The following SLCO1A2 variants were observed in gnomAD, a reference collection of about 807,000 sequenced individuals.
SLCO1A2 encodes the protein solute carrier organic anion transporter family member 1A2.
Under a neutral mutation model 69.0 loss-of-function variants are expected in SLCO1A2, and 67 were observed. The ratio of observed to expected loss-of-function variants is 0.97; its 90% CI spans 0.80 to 1.19. The LOEUF is 1.19. Among genes scored for constraint, SLCO1A2 ranks in the 50% most tolerant of loss-of-function variants. SLCO1A2 has a pLI of 0.00. For missense variants in SLCO1A2, 787 were observed against 793.7 expected, an observed-to-expected ratio of 0.99 and a Z score of 0.10; for synonymous variants, 260 against 265.9, an observed-to-expected ratio of 0.98 and a Z score of 0.22.
chr12:21,332,253 C>T (rs1036457679), intron 2 of SLCO1A2, among the ~76,000 whole-genome samples: 3 of 152,070 alleles, frequency 2.0e-5, no homozygotes, highest in Admixed American at 1.3e-4. Context: ...GTCAAGATAA[C>T]TCAAAGCAGG....
Position 21,281,934 on chromosome 12 carries a change from G to A in SLCO1A2, c.1611-6510C>T, listed in dbSNP as rs145570899. Among the ~76,000 whole-genome samples, 63 of 152,114 alleles carry A rather than the reference G, an allele frequency of 4.1e-4. No individual in the cohort carries two copies. In the East Asian group the frequency reaches 0.011, roughly 27 times the overall value. Reference sequence around the variant, plus strand: ...AATAAAAAGTAATGAGATTGAAGCTGTAATAAAGTCTCCAGCAAAGAAATG... The same window carrying A: ...AATAAAAAGTAATGAGATTGAAGCTATAATAAAGTCTCCAGCAAAGAAATG... On this transcript the variant is annotated intron_variant, in intron 12 of 14. Coordinates refer to ENST00000683939, the MANE Select transcript of SLCO1A2 (RefSeq NM_001386879.1).
intron 14 of SLCO1A2, among the ~76,000 whole-genome samples, 173 bp from the exon 15 acceptor site, chr12:21,269,940 ATATTT>A (rs1942490486): frequency 1.3e-5 from 2 of 151,850 alleles, no homozygotes; most frequent in African/African-American, 4.8e-5. Flanking sequence ...ATTTGTTAAA[ATATTT>A]TATGTTTTTT....
intron 2 of SLCO1A2, among the ~76,000 whole-genome samples, chr12:21,354,070 TG>T (rs1242026929): frequency 6.6e-6 from 1 of 152,196 alleles, no homozygotes; most frequent in Non-Finnish European, 1.5e-5. Context: ...TTGAAGATTA[TG>T]GGAGACATTG....
intron 6 of SLCO1A2, among the ~76,000 whole-genome samples, chr12:21,303,726 T>A (rs1330177522): frequency 6.6e-6 from 1 of 152,186 alleles, no homozygotes; most frequent in Non-Finnish European, 1.5e-5. Flanking sequence ...GTGACCTACA[T>A]GGATTTTAAA....
Position 21,322,966 on chromosome 12 carries a change from G to T in SLCO1A2, c.61-4043C>A, listed in dbSNP as rs186558453. Among the ~76,000 whole-genome samples, 375 of 152,282 alleles carry T rather than the reference G, an allele frequency of 2.5e-3. 4 individuals are homozygous for T. The highest frequency in any genetic ancestry group is 2.7e-3 in the Non-Finnish European group (184 of 68,030). On this transcript the variant is annotated intron_variant, in intron 2 of 14. Transcript: ENST00000683939. The stretch of plus-strand genomic sequence containing the variant: ...ATACCATTGTGGGGGTGGCATGGCT[G>T]CCTGCTTGAGATCCACCCTGTCCCT...
At chr12:21,404,622 T>C (rs2137197747) in intron 1 of SLCO1A2, among the ~76,000 whole-genome samples, 1 of 152,320 alleles carries the variant, frequency 6.6e-6, no homozygotes, top group South Asian at 2.1e-4. Flanking sequence ...ACATTTTCTT[T>C]ATCCAGTCTA....
chr12:21,314,637 GT>G lies in SLCO1A2; in HGVS notation c.246del (p.Lys82AsnfsTer6), dbSNP rs773387618. ...ATGCCAATCATTATAGGTCTATGCA[GT>G]TTGGTTCCAAAATAACTCACAAATA... ...LIIFVSYFGTKLHRPIMIGIG... is the reference protein window; with the variant it reads ...LIIFVSYFGTXLHRPIMIGIG... On this transcript the variant is annotated frameshift_variant, in exon 4 of 15. Transcript: ENST00000683939. LOFTEE classifies it high-confidence loss of function. 6.8e-6 allele frequency: 11 copies of G among 1,611,740 alleles called. No homozygotes were observed. Among genetic ancestry groups the G allele is most frequent in the Non-Finnish European group, 9.3e-6 (11 of 1,177,948 alleles).
chr12:21,329,745 A>T (rs544090144), intron 2 of SLCO1A2, among the ~76,000 whole-genome samples: 2 of 133,788 alleles, frequency 1.5e-5, no homozygotes, highest in Admixed American at 1.4e-4. Flanking sequence ...TTTACTTAAA[A>T]TAACTCTTAG....
rs147781595 is a variant in SLCO1A2, at chr12:21,277,139, C to A, written c.1611-1715G>T. ...TTGTGGCTCCAAAAGAGATTCCTTC[C>A]TTCTACTTGAGGAGAGGGGAGAAAT... On this transcript the variant is annotated intron_variant, in intron 12 of 14. Transcript: ENST00000683939. Among the ~76,000 whole-genome samples, 404 of 152,206 alleles carry A rather than the reference C, an allele frequency of 2.7e-3. 2 individuals carry two copies. Among genetic ancestry groups the A allele is most frequent in the African/African-American group, 9.3e-3 (385 of 41,536 alleles).
chr12:21,344,197 A>G (rs145657649), intron 2 of SLCO1A2, among the ~76,000 whole-genome samples: 17 of 152,106 alleles, frequency 1.1e-4, no homozygotes, highest in South Asian at 2.1e-4. Context: ...TTAAAAAACT[A>G]TATTTCCTGC....
intron 2 of SLCO1A2, chr12:21,373,369 G>T (rs1168014772): frequency 3.1e-6 from 5 of 1,612,962 alleles, no homozygotes; most frequent in African/African-American, 2.7e-5. Flanking sequence ...TCCTGAAGCT[G>T]CAAGTATTTC....
intron 1 of SLCO1A2, among the ~76,000 whole-genome samples, chr12:21,409,808 CTA>C (rs1183126886): frequency 6.6e-6 from 1 of 152,188 alleles, no homozygotes; most frequent in Non-Finnish European, 1.5e-5. Context: ...GCACATCCTG[CTA>C]TATCACTCTA....
chr12:21,353,376 C>T (rs1938109558), intron 2 of SLCO1A2, among the ~76,000 whole-genome samples: 1 of 150,610 alleles, frequency 6.6e-6, no homozygotes, highest in Non-Finnish European at 1.5e-5. Flanking sequence ...CCAACATGAA[C>T]AGTAATATTG....
rs114318341 is a variant in SLCO1A2, at chr12:21,352,922, G to T, written c.-62-18213C>A. Among the ~76,000 whole-genome samples, 876 of 152,234 alleles carry T rather than the reference G, an allele frequency of 5.8e-3. 11 individuals carry two copies. Among genetic ancestry groups the T allele is most frequent in the African/African-American group, 0.02 (827 of 41,544 alleles). ...TAAAGTGAAACCACTGATCTTCAAA[G>T]ACACTTTTGGCACAAGTTATTAAAC... On this transcript the variant is annotated intron_variant, in intron 2 of 15. Coordinates refer to the SLCO1A2 transcript ENST00000307378.
upstream of SLCO1A2, among the ~76,000 whole-genome samples, chr12:21,396,301 G>C (rs908891338): frequency 2.3e-4 from 35 of 151,244 alleles, no homozygotes; most frequent in African/African-American, 8.3e-4. Context: ...ATGAAATGAA[G>C]TGAGAAGGGA....
rs924801389 is a variant in SLCO1A2, at chr12:21,267,982, T to C, written c.*1566A>G. ...CAGTCTTGGTTTGAACCTTGGTTAT[T>C]TTTTATATGCCCAGAGTTGAAGTCT... On this transcript the variant is annotated 3_prime_UTR_variant, in exon 15 of 15. Coordinates refer to ENST00000683939, the MANE Select transcript of SLCO1A2 (RefSeq NM_001386879.1). 2 of 152,142 alleles carry C rather than the reference T, an allele frequency of 1.3e-5. No individual in the cohort carries two copies. The highest frequency in any genetic ancestry group is 4.8e-5 in the African/African-American group (2 of 41,442). 9.4% of individuals were successfully genotyped at this position (152,142 alleles called of 1,614,324 possible). A position where few individuals can be genotyped will look rare whatever the true frequency, so the allele number is the denominator to read the frequency against.
chr12:21,357,577 A>T (rs1462516088), intron 2 of SLCO1A2, among the ~76,000 whole-genome samples: 1 of 152,242 alleles, frequency 6.6e-6, no homozygotes, highest in Non-Finnish European at 1.5e-5. Flanking sequence ...CCAAATCTCC[A>T]ACTGGACTAT....
chr12:21,294,687 T>C (rs762005928), intron 10 of SLCO1A2: 4 of 152,180 alleles, frequency 2.6e-5, no homozygotes, highest in African/African-American at 7.2e-5. Context: ...ATCAGCATCA[T>C]TGGAGATGGA....
chr12:21,336,230 G>A (rs73069055), upstream of SLCO1A2, among the ~76,000 whole-genome samples: 1,044 of 151,964 alleles, frequency 6.9e-3, 10 homozygotes, highest in Middle Eastern at 0.058. Context: ...CTTCTCCCAC[G>A]TCAAAATTGC....
Sources: gnomAD v4.1 joint callset for allele counts (sites outside exome capture counted in the v4.1 genomes callset) on GRCh38, gnomAD v4.1.1 for gene constraint, MANE v1.5 for transcripts, NCBI Gene and HGNC (gene_info 2026-07-23, HGNC 2026-07-21) for gene names.